The following MIS18A variants were observed in gnomAD, a reference collection of about 807,000 sequenced individuals.
MIS18A encodes MIS18 kinetochore protein A, also known as protein Mis18-alpha.
In MIS18A, 14 loss-of-function variants were observed where a neutral mutation model predicts 25.0. The ratio of observed to expected loss-of-function variants is 0.56; its 90% confidence interval spans 0.37 to 0.88. The LOEUF (loss-of-function observed/expected upper bound fraction) is 0.88, where lower values mean the gene tolerates loss of function less well. Ranked by LOEUF, MIS18A falls within the 40% of genes least tolerant of loss-of-function variation. MIS18A has a pLI of 0.00. For missense variants in MIS18A, 292 were observed against 290.8 expected (o/e 1.00, Z -0.03); for synonymous variants, 134 against 118.6 (o/e 1.13, Z -0.84).
the MIS18A span, among the ~76,000 whole-genome samples, chr21:32,165,008 T>C: frequency 6.6e-6 from 1 of 152,162 alleles, no homozygotes; most frequent in African/African-American, 2.4e-5. Context: ...CACAGAACTG[T>C]CCTATGCCAA....
At chr21:32,267,284 C>T (rs948834847), downstream of MIS18A, among the ~76,000 whole-genome samples, 1 of 152,214 alleles carries the variant, frequency 6.6e-6, no homozygotes, top group Non-Finnish European at 1.5e-5. Context: ...TCAGTGGAGA[C>T]CATGTAATAC....
the MIS18A span, among the ~76,000 whole-genome samples, chr21:32,235,424 C>T: frequency 6.6e-6 from 1 of 152,112 alleles, no homozygotes; most frequent in Non-Finnish European, 1.5e-5. Flanking sequence ...ATCTGGTTGC[C>T]CTCACTCCCT....
the MIS18A span, among the ~76,000 whole-genome samples, chr21:32,179,196 C>G: frequency 6.6e-6 from 1 of 151,854 alleles, no homozygotes; most frequent in Non-Finnish European, 1.5e-5. Flanking sequence ...TTTCAGTTCC[C>G]AACCCACACA....
chr21:32,270,341 G>A lies in MIS18A; in HGVS notation c.524+66C>T, dbSNP rs900677939. The stretch of plus-strand genomic sequence containing the variant: ...AACCAAACAGTATTGATTTAGTTCT[G>A]ACAATTCCGTGCCTTAACTTTCTGA... On this transcript the variant is annotated intron_variant, in intron 3 of 4. Coordinates refer to ENST00000290130, the MANE Select transcript of MIS18A (RefSeq NM_018944.3). The A allele has an allele frequency of 1.9e-6, 3 of 1,567,582 alleles. No homozygotes were observed. The African/African-American group carries it at 4.1e-5, about 21-fold the overall frequency.
the MIS18A span, among the ~76,000 whole-genome samples, chr21:32,233,746 G>A: frequency 6.6e-6 from 1 of 152,118 alleles, no homozygotes; most frequent in Non-Finnish European, 1.5e-5. Context: ...GGATGGCTAG[G>A]GTTCACAATG....
At chr21:32,209,312 C>G in the MIS18A span, among the ~76,000 whole-genome samples, 2 of 152,158 alleles carry the variant, frequency 1.3e-5, no homozygotes, top group Non-Finnish European at 2.9e-5. Flanking sequence ...TTAAATGGAC[C>G]CTTTGAGATC....
chr21:32,262,112 A>G, the MIS18A span, among the ~76,000 whole-genome samples: 1 of 152,188 alleles, frequency 6.6e-6, no homozygotes. Flanking sequence ...AGGCAATTTA[A>G]AGTCTCTGAG....
the MIS18A span, among the ~76,000 whole-genome samples, chr21:32,249,453 A>C: frequency 6.6e-6 from 1 of 152,208 alleles, no homozygotes. Context: ...ACATAGCCAT[A>C]ATTAACCATG....
At chr21:32,253,310 A>C in the MIS18A span, among the ~76,000 whole-genome samples, 1 of 152,104 alleles carries the variant, frequency 6.6e-6, no homozygotes, top group African/African-American at 2.4e-5. Context: ...CACAGCGGGC[A>C]TGCGCAGTTT....
At chr21:32,242,394 T>C in the MIS18A span, among the ~76,000 whole-genome samples, 2 of 152,298 alleles carry the variant, frequency 1.3e-5, no homozygotes, top group African/African-American at 2.4e-5. Flanking sequence ...GGTATAAATA[T>C]ACATCATTTT....
the MIS18A span, among the ~76,000 whole-genome samples, chr21:32,258,175 T>C: frequency 6.6e-6 from 1 of 151,920 alleles, no homozygotes; most frequent in Non-Finnish European, 1.5e-5. Context: ...GGGGAGGGGA[T>C]TTAGTAACAA....
the MIS18A span, among the ~76,000 whole-genome samples, chr21:32,199,271 C>A: frequency 6.6e-6 from 1 of 152,086 alleles, no homozygotes; most frequent in African/African-American, 2.4e-5. Context: ...CTGATTTATA[C>A]CGTCGTGCTG....
the MIS18A span, among the ~76,000 whole-genome samples, chr21:32,244,948 A>T: frequency 6.6e-6 from 1 of 152,250 alleles, no homozygotes; most frequent in Non-Finnish European, 1.5e-5. Flanking sequence ...AGCAATGTAC[A>T]TATTCAGTAA....
chr21:32,156,571 A>G, the MIS18A span: 1 of 152,242 alleles, frequency 6.6e-6, no homozygotes, highest in African/African-American at 2.4e-5. Flanking sequence ...TTTAGGTGAA[A>G]GGGGTTACAA....
the MIS18A span, among the ~76,000 whole-genome samples, chr21:32,165,762 G>C: frequency 5.3e-5 from 8 of 152,158 alleles, no homozygotes; most frequent in African/African-American, 1.9e-4. Context: ...AGAGCTCCAT[G>C]GAAGAAAGGA....
chr21:32,276,888 G>A (rs907852143), intron 1 of MIS18A, among the ~76,000 whole-genome samples: 4 of 151,830 alleles, frequency 2.6e-5, no homozygotes, highest in Admixed American at 6.6e-5. Flanking sequence ...CTATGATTGC[G>A]CCACTGTACT....
chr21:32,162,704 C>T, the MIS18A span, among the ~76,000 whole-genome samples: 1 of 152,132 alleles, frequency 6.6e-6, no homozygotes, highest in African/African-American at 2.4e-5. Context: ...CCTGGCATAT[C>T]ACCAGTGTTC....
the MIS18A span, among the ~76,000 whole-genome samples, chr21:32,190,679 C>G: frequency 6.6e-6 from 1 of 152,134 alleles, no homozygotes; most frequent in African/African-American, 2.4e-5. Context: ...GTGAGCCAAC[C>G]GTGGGATCTA....
chr21:32,265,521 C>G (rs1255638870), downstream of MIS18A, among the ~76,000 whole-genome samples: 1 of 152,234 alleles, frequency 6.6e-6, no homozygotes, highest in African/African-American at 2.4e-5. Context: ...AGTGCCGGCC[C>G]ACCGGCGCTG....
Sources: allele counts gnomAD v4.1 joint callset (sites outside exome capture counted in the v4.1 genomes callset), GRCh38; gene constraint gnomAD v4.1.1; transcripts MANE v1.5; gene names NCBI Gene and HGNC (gene_info 2026-07-23, HGNC 2026-07-21).